The following PCDH11Y variants were observed in gnomAD, a reference collection of about 807,000 sequenced individuals.
PCDH11Y encodes the protein protocadherin 11 Y-linked.
For missense variants in PCDH11Y, 12 were observed against 224.8 expected, an observed-to-expected ratio of 0.05 and a Z score of 6.05; for synonymous variants, 9 against 83.6, an observed-to-expected ratio of 0.11 and a Z score of 4.87.
intron 2 of PCDH11Y, among the ~76,000 whole-genome samples, chrY:5,353,981 GA>G (rs2053162817): frequency 2.7e-4 from 9 of 33,737 alleles, no homozygotes; most frequent in Admixed American, 2.5e-3. Flanking sequence ...CTGGGCAACA[GA>G]GCGAGACTCC....
At chrY:5,466,570 C>A (rs2124684278) in intron 2 of PCDH11Y, among the ~76,000 whole-genome samples, 2 of 31,611 alleles carry the variant, frequency 6.3e-5, no homozygotes, top group Non-Finnish European at 1.6e-4. Flanking sequence ...TGTTAGTTAA[C>A]AAATACAGTC....
Position 5,700,455 on chromosome Y carries a change from C to T in PCDH11Y, c.3353-36817C>T, listed in dbSNP as rs1602961743. On this transcript the variant is annotated intron_variant, in intron 4 of 4. Coordinates refer to the PCDH11Y transcript ENST00000400457. ...GACCCAGTGTAGGATAATTGAGTAA[C>T]GGGGATAGTTTTTGCCCATACTGCT... Among the ~76,000 whole-genome samples the T allele has an allele frequency of 3.7e-4, 12 of 32,627 alleles. No individual in the cohort carries two copies. The East Asian group carries it at 8.3e-3, about 23-fold the overall frequency. The allele number at this position is 32,627 out of a possible 37,273, so 87.5% of individuals were successfully genotyped here.
At chrY:5,273,128 T>C in intron 2 of PCDH11Y, among the ~76,000 whole-genome samples, 1 of 33,975 alleles carries the variant, frequency 2.9e-5, no homozygotes, top group African/African-American at 1.1e-4. Flanking sequence ...ACATAGCTAC[T>C]TATCAAAAGA....
chrY:5,534,223 C>T, intron 3 of PCDH11Y, among the ~76,000 whole-genome samples: 1 of 33,111 alleles, frequency 3.0e-5, no homozygotes, highest in Non-Finnish European at 7.4e-5. Context: ...CATCTCCGTT[C>T]TGCTCTCAAT....
intron 2 of PCDH11Y, among the ~76,000 whole-genome samples, chrY:5,400,491 G>A (rs2053231976): frequency 3.0e-5 from 1 of 33,665 alleles, no homozygotes; most frequent in Non-Finnish European, 7.3e-5. Flanking sequence ...TCACGCCTAC[G>A]TAATTTTTGC....
At chrY:5,188,873 G>T (rs2124647991) in intron 2 of PCDH11Y, among the ~76,000 whole-genome samples, 1 of 34,355 alleles carries the variant, frequency 2.9e-5, no homozygotes, top group Non-Finnish European at 7.3e-5. Flanking sequence ...AATTAATATT[G>T]TTAAAATGTC....
chrY:5,578,006 G>A (rs1602945705), intron 3 of PCDH11Y, among the ~76,000 whole-genome samples: 1 of 32,987 alleles, frequency 3.0e-5, no homozygotes, highest in Non-Finnish European at 7.5e-5. Flanking sequence ...CCAGCTCTGT[G>A]GAACAGTGAG....
chrY:5,429,001 T>C, intron 2 of PCDH11Y, among the ~76,000 whole-genome samples: 4 of 33,394 alleles, frequency 1.2e-4, no homozygotes, highest in Admixed American at 1.1e-3. Context: ...GTCAGTAAGA[T>C]TGTTTTCTAG....
At chrY:5,696,281 A>T (rs2053572373) in intron 4 of PCDH11Y, among the ~76,000 whole-genome samples, 1 of 32,428 alleles carries the variant, frequency 3.1e-5, no homozygotes, top group Non-Finnish European at 7.6e-5. Context: ...TTACTTTCTC[A>T]ATTTTAGAAC....
intron 2 of PCDH11Y, among the ~76,000 whole-genome samples, chrY:5,130,837 G>A (rs2124641175): frequency 6.4e-5 from 2 of 31,312 alleles, no homozygotes; most frequent in South Asian, 1.5e-3. Flanking sequence ...GAACAAGATC[G>A]TGCCATTGAA....
intron 4 of PCDH11Y, among the ~76,000 whole-genome samples, chrY:5,647,588 C>A: frequency 3.0e-5 from 1 of 33,550 alleles, no homozygotes; most frequent in Non-Finnish European, 7.4e-5. Context: ...CTTACCGCAA[C>A]CTCCGCCTCC....
chrY:5,135,803 A>G, intron 2 of PCDH11Y, among the ~76,000 whole-genome samples: 1 of 33,265 alleles, frequency 3.0e-5, no homozygotes, highest in Non-Finnish European at 7.4e-5. Flanking sequence ...GAGTAAGCTT[A>G]GAGCCCTTTA....
chrY:5,461,340 G>A, intron 2 of PCDH11Y, among the ~76,000 whole-genome samples: 1 of 33,070 alleles, frequency 3.0e-5, no homozygotes, highest in African/African-American at 1.2e-4. Flanking sequence ...AGTTATAAAT[G>A]TCAAATTAAT....
intron 3 of PCDH11Y, among the ~76,000 whole-genome samples, chrY:5,519,369 A>G (rs2053377543): frequency 7.3e-5 from 2 of 27,291 alleles, no homozygotes. Flanking sequence ...CAGCCTGGGC[A>G]ACAGAGTGAG....
At chrY:5,067,771 C>G (rs1602855436) in intron 1 of PCDH11Y, among the ~76,000 whole-genome samples, 3 of 31,677 alleles carry the variant, frequency 9.5e-5, no homozygotes, top group Admixed American at 2.9e-4. Flanking sequence ...ACAGCACTTT[C>G]GGAGGCCGAG....
At chrY:5,157,486 G>A in intron 2 of PCDH11Y, among the ~76,000 whole-genome samples, 1 of 32,930 alleles carries the variant, frequency 3.0e-5, no homozygotes, top group African/African-American at 1.2e-4. Flanking sequence ...TAACAAAGTT[G>A]TGGTTAAGGA....
At chrY:5,511,849 C>A in intron 3 of PCDH11Y, among the ~76,000 whole-genome samples, 1 of 33,380 alleles carries the variant, frequency 3.0e-5, no homozygotes, top group African/African-American at 1.2e-4. Flanking sequence ...TTTTAATACC[C>A]GTAAGAGATG....
At chrY:5,122,260 CT>C (rs2052819072) in intron 2 of PCDH11Y, among the ~76,000 whole-genome samples, 2 of 33,123 alleles carry the variant, frequency 6.0e-5, no homozygotes, top group African/African-American at 1.2e-4. Flanking sequence ...CTGGTTTCAT[CT>C]CGATAGTCGG....
In PCDH11Y at chrY:5,671,213, GT is replaced by G. The variant is rs763112584; in HGVS notation, c.3353-66046del. 2.2e-4 allele frequency among the ~76,000 whole-genome samples: 6 copies of G among 27,120 alleles called. No individual in the cohort carries two copies. In the South Asian group the frequency reaches 2.4e-3, roughly 11 times the overall value. The allele number at this position is 27,120 out of a possible 37,273, so 72.8% of individuals were successfully genotyped here. On this transcript the variant is annotated intron_variant, in intron 4 of 4. Transcript: ENST00000400457. ...GAAGTCAGGTAAGGTGATTCCTCTA[GT>G]TTTTTTTTTTTTCCCTCAGGATAGC...
Sources: allele counts gnomAD v4.1 joint callset (sites outside exome capture counted in the v4.1 genomes callset), GRCh38; gene constraint gnomAD v4.1.1; transcripts MANE v1.5; gene names NCBI Gene and HGNC (gene_info 2026-07-23, HGNC 2026-07-21).